The following CAMTA1 variants were observed in gnomAD, a reference collection of about 807,000 sequenced individuals.
CAMTA1 encodes calmodulin-binding transcription activator 1.
Under a neutral mutation model 170.9 loss-of-function variants are expected in CAMTA1, and 27 were observed. The observed-to-expected ratio is 0.16, with a 90% CI of 0.12 to 0.22. CAMTA1 has a LOEUF of 0.22. Among genes scored for constraint, CAMTA1 ranks in the 10% least tolerant of loss-of-function variants. The pLI, the probability that CAMTA1 is intolerant of heterozygous loss-of-function variation, is 1.00. For missense variants in CAMTA1, 1,619 were observed against 2,217.2 expected (o/e 0.73, Z 5.42); for synonymous variants, 833 against 891.5 (o/e 0.93, Z 1.17).
chr1:7,594,099 AGAAG>A (rs1278717439), intron 6 of CAMTA1, among the ~76,000 whole-genome samples: 1 of 134,472 alleles, frequency 7.4e-6, no homozygotes, highest in Non-Finnish European at 1.5e-5. Flanking sequence ...GAGAGAGGAA[AGAAG>A]AAAGAAAGAA....
At chr1:7,244,165 G>T (rs1034307221) in intron 4 of CAMTA1, among the ~76,000 whole-genome samples, 1 of 152,150 alleles carries the variant, frequency 6.6e-6, no homozygotes, top group Non-Finnish European at 1.5e-5. Context: ...GGCCATCAGA[G>T]AAATGCAAAT....
intron 7 of CAMTA1, among the ~76,000 whole-genome samples, chr1:7,655,664 T>C (rs1301541897): frequency 6.7e-6 from 1 of 148,774 alleles, no homozygotes; most frequent in East Asian, 2.0e-4. Flanking sequence ...CACACACCTA[T>C]GCACACACAC....
At chr1:7,730,464 C>G (rs569821465) in intron 11 of CAMTA1, among the ~76,000 whole-genome samples, 1 of 152,340 alleles carries the variant, frequency 6.6e-6, no homozygotes, top group South Asian at 2.1e-4. Context: ...CCTTTCCTGA[C>G]TTGTCTAAAC....
At chr1:6,851,928 T>A (rs889015010) in intron 3 of CAMTA1, among the ~76,000 whole-genome samples, 2 of 151,056 alleles carry the variant, frequency 1.3e-5, no homozygotes, top group African/African-American at 2.4e-5. Flanking sequence ...GCACGAGAAT[T>A]GCTTGAACCC....
At chr1:7,362,236 G>C (rs1053065557) in intron 5 of CAMTA1, among the ~76,000 whole-genome samples, 2 of 152,252 alleles carry the variant, frequency 1.3e-5, no homozygotes, top group Non-Finnish European at 2.9e-5. Flanking sequence ...TGATGAACTT[G>C]AGCAGAGTTG....
At chr1:6,977,595 C>T (rs1693687841) in intron 3 of CAMTA1, among the ~76,000 whole-genome samples, 1 of 152,220 alleles carries the variant, frequency 6.6e-6, no homozygotes, top group Admixed American at 6.5e-5. Context: ...TCGCCTCGGC[C>T]TCCCAAAGTG....
At chr1:7,627,146 G>T (rs2095639286) in intron 6 of CAMTA1, among the ~76,000 whole-genome samples, 1 of 152,148 alleles carries the variant, frequency 6.6e-6, no homozygotes, top group Admixed American at 6.5e-5. Context: ...ATGGAGCTTT[G>T]TTTTCTTCCA....
chr1:7,601,496 A>G (rs2095442399), intron 6 of CAMTA1, among the ~76,000 whole-genome samples: 1 of 146,454 alleles, frequency 6.8e-6, no homozygotes, highest in African/African-American at 2.7e-5. Flanking sequence ...ATCCCAGACG[A>G]TGGGCGGCCA....
intron 5 of CAMTA1, among the ~76,000 whole-genome samples, chr1:7,340,566 CTTCCTTCCT>C (rs1574797385): frequency 6.8e-5 from 10 of 148,032 alleles, no homozygotes; most frequent in South Asian, 2.2e-4. Flanking sequence ...CCCTCCCTCC[CTTCCTTCCT>C]TCCATCCTTC....
At chr1:7,179,967 CAAAT>C (rs1307355768) in intron 4 of CAMTA1, among the ~76,000 whole-genome samples, 1 of 152,016 alleles carries the variant, frequency 6.6e-6, no homozygotes, top group African/African-American at 2.4e-5. Flanking sequence ...AAAACATTAA[CAAAT>C]GAATGAAACC....
chr1:7,521,972 T>C (rs2094371667), intron 6 of CAMTA1, among the ~76,000 whole-genome samples: 1 of 152,246 alleles, frequency 6.6e-6, no homozygotes, highest in Non-Finnish European at 1.5e-5. Flanking sequence ...CAAATGAAGC[T>C]GCTGTGAACA....
chr1:7,398,193 C>CTATATATATATATATA (rs3034829), intron 5 of CAMTA1, among the ~76,000 whole-genome samples: 9 of 16,892 alleles, frequency 5.3e-4, no homozygotes, highest in East Asian at 2.1e-3. Context: ...CTCTCTCTCT[C>CTATATATATATATATA]TATATATATA....
chr1:6,945,418 G>A (rs1687404822), intron 3 of CAMTA1, among the ~76,000 whole-genome samples: 2 of 151,806 alleles, frequency 1.3e-5, no homozygotes, highest in Non-Finnish European at 2.9e-5. Context: ...GTACAATCAC[G>A]GCTCACTGCA....
intron 11 of CAMTA1, among the ~76,000 whole-genome samples, chr1:7,703,668 G>A (rs771615745): frequency 6.6e-6 from 1 of 152,174 alleles, no homozygotes. Context: ...CGATTTTACA[G>A]ATAATTGACT....
intron 4 of CAMTA1, among the ~76,000 whole-genome samples, chr1:7,231,379 A>AT (rs898816797): frequency 9.9e-5 from 14 of 141,444 alleles, no homozygotes; most frequent in African/African-American, 3.6e-4. Context: ...GAGAGGTTTT[A>AT]TTTTTTTTGA....
rs188634591 is a variant in CAMTA1 at position 7,354,429 on chromosome 1, T to G, written c.438+104803T>G. 2.3e-3 allele frequency among the ~76,000 whole-genome samples: 347 copies of G among 151,944 alleles called. 4 individuals carry two copies. The East Asian group carries it at 0.035, about 15-fold the overall frequency. ...CTCCCAAAGTGCTGGGATTACAGGC[T>G]TGAGCCACCGCGCCCGACCTACCAC... On this transcript the variant is annotated intron_variant, in intron 5 of 22. Coordinates refer to ENST00000303635, the MANE Select transcript of CAMTA1 (RefSeq NM_015215.4).
intron 1 of CAMTA1, among the ~76,000 whole-genome samples, chr1:6,803,649 T>G (rs1303750497): frequency 6.6e-6 from 1 of 152,206 alleles, no homozygotes; most frequent in Non-Finnish European, 1.5e-5. Flanking sequence ...AAGAGGAAAG[T>G]GTATGTTTTT....
chr1:7,742,293 C>G (rs1014687711), intron 16 of CAMTA1, among the ~76,000 whole-genome samples: 1 of 151,888 alleles, frequency 6.6e-6, no homozygotes, highest in Non-Finnish European at 1.5e-5. Flanking sequence ...CAGAATTTTT[C>G]AGATCAAGTA....
At chr1:7,709,502 A>G (rs878982920) in intron 11 of CAMTA1, among the ~76,000 whole-genome samples, 1 of 152,212 alleles carries the variant, frequency 6.6e-6, no homozygotes, top group African/African-American at 2.4e-5. Flanking sequence ...AAATCAATCT[A>G]TGTGGATGTG....
Sources: gnomAD v4.1 joint callset for allele counts (sites outside exome capture counted in the v4.1 genomes callset) on GRCh38, gnomAD v4.1.1 for gene constraint, MANE v1.5 for transcripts, NCBI Gene and HGNC (gene_info 2026-07-23, HGNC 2026-07-21) for gene names.